Variants in ITGB8 observed in about 807,000 individuals in gnomAD.
ITGB8 encodes integrin subunit beta 8.
Under a neutral mutation model 89.5 loss-of-function variants are expected in ITGB8, and 30 were observed. The observed-to-expected ratio is 0.34, with a 90% CI of 0.25 to 0.45. The LOEUF (loss-of-function observed/expected upper bound fraction) is 0.45. Among genes scored for constraint, ITGB8 ranks in the 20% least tolerant of loss-of-function variants. The probability of loss-of-function intolerance (pLI) is 1.00; values close to 1 mark genes in which losing one functional copy is unlikely to be tolerated. For synonymous variants in ITGB8, 335 were observed against 320.4 expected (o/e 1.05, Z -0.49); for missense variants, 836 against 933.3 (o/e 0.90, Z 1.36).
Position 20,331,253 on chromosome 7 carries a change from C to T in ITGB8, c.-554C>T, listed in dbSNP as rs1345263437. ...GCTGCAACTAATGGTGTTGGCCTCC[C>T]TGCCCACCTGTGGAAGCAACTGCGC... On this transcript the variant is annotated 5_prime_UTR_variant, in exon 1 of 14. Coordinates refer to ENST00000222573, the MANE Select transcript of ITGB8 (RefSeq NM_002214.3). The T allele has an allele frequency of 3.5e-6, 1 of 288,196 alleles. No individual in the cohort carries two copies. Among genetic ancestry groups the T allele is most frequent in the South Asian group, 1.6e-4 (1 of 6,090 alleles). 17.9% of individuals were successfully genotyped at this position (288,196 alleles called of 1,614,324 possible).
At chr7:20,383,895 T>C (rs1786502920) in intron 6 of ITGB8, among the ~76,000 whole-genome samples, 1 of 152,226 alleles carries the variant, frequency 6.6e-6, no homozygotes, top group Non-Finnish European at 1.5e-5. Context: ...CAAGGAATAA[T>C]GTGTTTGTTA....
intron 9 of ITGB8, among the ~76,000 whole-genome samples, chr7:20,401,314 C>T (rs952077310): frequency 6.6e-6 from 1 of 152,102 alleles, no homozygotes; most frequent in African/African-American, 2.4e-5. Context: ...AGCAGAAGCC[C>T]TTTACTTTGG....
At chr7:20,358,629 C>T (rs1562664751) in intron 1 of ITGB8, among the ~76,000 whole-genome samples, 1 of 152,084 alleles carries the variant, frequency 6.6e-6, no homozygotes. Context: ...TCTCGAACTC[C>T]TGAACTCAGG....
chr7:20,341,402 G>A (rs1784749886), intron 1 of ITGB8, among the ~76,000 whole-genome samples: 1 of 152,146 alleles, frequency 6.6e-6, no homozygotes, highest in South Asian at 2.1e-4. Context: ...TGATGAGTGT[G>A]TCAGTCACTA....
At chr7:20,369,224 T>G (rs1437916781) in intron 3 of ITGB8, among the ~76,000 whole-genome samples, 4 of 152,230 alleles carry the variant, frequency 2.6e-5, no homozygotes, top group Non-Finnish European at 5.9e-5. Context: ...ATAGGAATTA[T>G]ATAATAGAAT....
intron 1 of ITGB8, chr7:20,346,818 T>G: frequency 1.0e-6 from 1 of 985,422 alleles, no homozygotes; most frequent in Non-Finnish European, 1.2e-6. Context: ...GACCATGACA[T>G]AGGACTTTAG....
chr7:20,367,264 A>G (rs1031103732), intron 3 of ITGB8, 78 bp downstream of exon 3: 2 of 1,059,844 alleles, frequency 1.9e-6, no homozygotes, highest in African/African-American at 3.2e-5. Flanking sequence ...CATTTTTAAT[A>G]TTATGTGGCA....
In ITGB8 at chr7:20,355,803, G is replaced by A. The variant is rs539875924; in HGVS notation, c.128-7834G>A. On this transcript the variant is annotated intron_variant, in intron 1 of 13. Transcript: ENST00000222573. ...CAAGAGAGTAGTATTTCCTGAAAGC[G>A]TAATTCAGGAGCCAACTACAAATAT... Among the ~76,000 whole-genome samples, 606 of 152,306 alleles carry A rather than the reference G, an allele frequency of 4.0e-3. 4 individuals carry two copies. The highest frequency in any genetic ancestry group is 0.014 in the African/African-American group (576 of 41,560).
intron 6 of ITGB8, among the ~76,000 whole-genome samples, chr7:20,386,330 C>G (rs1441027714): frequency 6.6e-6 from 1 of 151,594 alleles, no homozygotes; most frequent in Admixed American, 6.6e-5. Flanking sequence ...CCTCCGCCTC[C>G]CAGGTTCAAG....
rs78114207 is a variant in ITGB8 at position 20,344,024 on chromosome 7, G to A, written c.127+12091G>A. The stretch of plus-strand genomic sequence containing the variant: ...TAATCAATAAATGAATTCATTGCTT[G>A]AGCACCTGCTCAGTGCATTTCACAT... On this transcript the variant is annotated intron_variant, in intron 1 of 13. Coordinates refer to ENST00000222573, the MANE Select transcript of ITGB8 (RefSeq NM_002214.3). Among the ~76,000 whole-genome samples the A allele has an allele frequency of 1.9e-3, 290 of 152,192 alleles. 11 individuals carry two copies. The East Asian group carries it at 0.047, about 25-fold the overall frequency.
At chr7:20,374,475 G>C (rs1786053741) in intron 3 of ITGB8, among the ~76,000 whole-genome samples, 1 of 127,688 alleles carries the variant, frequency 7.8e-6, no homozygotes, top group Admixed American at 8.6e-5. Context: ...TTATTTAGTA[G>C]CTCTTAGCTG....
At chr7:20,351,840 C>T (rs1191883480) in intron 1 of ITGB8, among the ~76,000 whole-genome samples, 1 of 151,774 alleles carries the variant, frequency 6.6e-6, no homozygotes, top group African/African-American at 2.4e-5. Flanking sequence ...TTTTTTTAAC[C>T]TCCTTAACCA....
At chr7:20,363,577 A>G (rs1449453740) in intron 1 of ITGB8, 60 bp from the exon 2 acceptor site, 8 of 1,001,364 alleles carry the variant, frequency 8.0e-6, no homozygotes, top group Non-Finnish European at 1.2e-5. Flanking sequence ...ATTTTAGTCT[A>G]GAATTATATA....
At position 20,378,926 on chromosome 7, in the gene ITGB8, T is replaced by G. The variant is rs569987770; in HGVS notation, c.389-125T>G. The G allele has an allele frequency of 5.5e-4, 273 of 494,518 alleles. 1 individual carries two copies. Among genetic ancestry groups the G allele is most frequent in the African/African-American group, 4.7e-3 (240 of 50,770 alleles). 30.6% of individuals were successfully genotyped at this position (494,518 alleles called of 1,614,324 possible). A position where few individuals can be genotyped will look rare whatever the true frequency, so the allele number is the denominator to read the frequency against. The stretch of plus-strand genomic sequence containing the variant: ...TAATTATTATAATTACACTAGCATA[T>G]TCCAAATTTTATGTGCAAATTTGTG... On this transcript the variant is annotated intron_variant, in intron 3 of 13. Transcript: ENST00000222573.
At chr7:20,405,124 G>GT (rs1562704394) in intron 11 of ITGB8, among the ~76,000 whole-genome samples, 1 of 151,968 alleles carries the variant, frequency 6.6e-6, no homozygotes, top group Non-Finnish European at 1.5e-5. Context: ...TTTAGTAAGC[G>GT]TGTGATCTCG....
At position 20,367,087 on chromosome 7, in the gene ITGB8, G is replaced by A. The variant is rs1785729460; in HGVS notation, c.289G>A (p.Asp97Asn). ...TTTAATAAGCAAAGGCTGCTCAGTT[G>A]ATTCAATAGAATACCCATCTGTGCA... Reference protein sequence around the residue: ...SNLISKGCSVDSIEYPSVHVI... With the variant: ...SNLISKGCSVNSIEYPSVHVI... Residue 97 changes from aspartate (D) to asparagine (N), a missense_variant, in exon 3 of 14, where the codon GAT becomes AAT. By Grantham distance (23) the Asp-to-Asn change is conservative. Transcript: ENST00000222573. 3 of 1,611,610 alleles carry A rather than the reference G, an allele frequency of 1.9e-6. No homozygotes were observed. Among genetic ancestry groups the A allele is most frequent in the Non-Finnish European group, 2.5e-6 (3 of 1,177,836 alleles).
intron 1 of ITGB8, among the ~76,000 whole-genome samples, chr7:20,339,571 T>C (rs547732863): frequency 3.9e-5 from 6 of 152,194 alleles, no homozygotes; most frequent in Non-Finnish European, 8.8e-5. Context: ...TAAATTATCT[T>C]CCTGCAGTTA....
chr7:20,384,142 G>C (rs1408087457), intron 6 of ITGB8, among the ~76,000 whole-genome samples: 1 of 152,118 alleles, frequency 6.6e-6, no homozygotes, highest in African/African-American at 2.4e-5. Context: ...ATATTTATTT[G>C]TGCATTTCAA....
intron 3 of ITGB8, among the ~76,000 whole-genome samples, chr7:20,373,867 T>C (rs1786029997): frequency 6.6e-6 from 1 of 152,216 alleles, no homozygotes; most frequent in Admixed American, 6.5e-5. Flanking sequence ...GTCATGTTCG[T>C]TGTGCCCAGT....
Sources: allele counts gnomAD v4.1 joint callset (sites outside exome capture counted in the v4.1 genomes callset), GRCh38; gene constraint gnomAD v4.1.1; transcripts MANE v1.5; gene names NCBI Gene and HGNC (gene_info 2026-07-23, HGNC 2026-07-21).